The following ADAP2 variants were observed in gnomAD, a reference collection of about 807,000 sequenced individuals.
ADAP2 encodes arf-GAP with dual PH domain-containing protein 2.
ADAP2 carries 42 observed loss-of-function variants against 54.9 expected under a neutral mutation model. That is an observed-to-expected ratio of 0.77 (90% CI 0.60 to 0.99). ADAP2 has a LOEUF of 0.99. Among genes scored for constraint, ADAP2 ranks in the 50% least tolerant of loss-of-function variants. The pLI, the probability that ADAP2 is intolerant of heterozygous loss-of-function variation, is 0.00. For missense variants in ADAP2, 429 were observed against 480.4 expected, an observed-to-expected ratio of 0.89 and a Z score of 1.00; for synonymous variants, 177 against 180.1, an observed-to-expected ratio of 0.98 and a Z score of 0.14.
At chr17:30,951,478 T>A (rs763328998) in intron 7 of ADAP2, among the ~76,000 whole-genome samples, 3 of 152,030 alleles carry the variant, frequency 2.0e-5, no homozygotes, top group Non-Finnish European at 4.4e-5. Flanking sequence ...ACAGTTTATA[T>A]CTTGTTTCTT....
intron 5 of ADAP2, among the ~76,000 whole-genome samples, chr17:30,942,946 G>A (rs917683330): frequency 5.9e-5 from 9 of 152,240 alleles, no homozygotes; most frequent in African/African-American, 1.9e-4. Flanking sequence ...ACACACTTGT[G>A]GCAGGAATGT....
At chr17:30,939,902 C>G (rs958466220) in intron 5 of ADAP2, among the ~76,000 whole-genome samples, 4 of 152,108 alleles carry the variant, frequency 2.6e-5, no homozygotes, top group African/African-American at 7.2e-5. Context: ...TAGTCCATCC[C>G]CTAGCAATTG....
At chr17:30,954,616 C>A (rs1904923838) in intron 9 of ADAP2, 61 bp downstream of exon 9, 2 of 1,412,110 alleles carry the variant, frequency 1.4e-6, no homozygotes, top group Non-Finnish European at 2.0e-6. Flanking sequence ...TGGTGCTTGT[C>A]TGGAACTATG....
intron 5 of ADAP2, among the ~76,000 whole-genome samples, chr17:30,944,335 A>T (rs573721859): frequency 6.6e-6 from 1 of 151,978 alleles, no homozygotes; most frequent in African/African-American, 2.4e-5. Context: ...GTACACATGG[A>T]CACAAAGAAG....
intron 10 of ADAP2, chr17:30,956,877 G>T (rs1905114972): frequency 5.3e-6 from 1 of 189,192 alleles, no homozygotes; most frequent in African/African-American, 2.3e-5. Context: ...GGGATTTTTG[G>T]ATTCCTCCCC....
chr17:30,946,579 A>G (rs916811471), intron 6 of ADAP2, among the ~76,000 whole-genome samples: 1 of 152,118 alleles, frequency 6.6e-6, no homozygotes, highest in African/African-American at 2.4e-5. Flanking sequence ...AGCCAATATA[A>G]CAGAATAAGC....
chr17:30,931,442 T>A (rs1439839868), intron 3 of ADAP2, among the ~76,000 whole-genome samples: 1 of 152,058 alleles, frequency 6.6e-6, no homozygotes, highest in Non-Finnish European at 1.5e-5. Context: ...CAACCCCGAA[T>A]GTTAACAGTA....
At chr17:30,949,409 T>C (rs1170618065) in intron 7 of ADAP2, 39 bp downstream of exon 7, 5 of 1,564,878 alleles carry the variant, frequency 3.2e-6, no homozygotes, top group Non-Finnish European at 4.4e-6. Context: ...AATCTCCTCT[T>C]GGCCATCTCC....
chr17:30,923,613 C>T (rs904252771), intron 2 of ADAP2, among the ~76,000 whole-genome samples: 1 of 150,258 alleles, frequency 6.7e-6, no homozygotes, highest in African/African-American at 2.4e-5. Flanking sequence ...GAGCTAGGTA[C>T]TTTGACCTAG....
intron 5 of ADAP2, among the ~76,000 whole-genome samples, chr17:30,943,141 G>A (rs545742692): frequency 3.3e-5 from 5 of 152,280 alleles, no homozygotes; most frequent in African/African-American, 7.2e-5. Context: ...AGAGGCCGGC[G>A]GATCACCTGA....
chr17:30,955,335 T>G (rs895815550), intron 9 of ADAP2, among the ~76,000 whole-genome samples: 2 of 151,890 alleles, frequency 1.3e-5, no homozygotes, highest in African/African-American at 4.8e-5. Flanking sequence ...CCCAGCACTT[T>G]GGGAGGCTGA....
At position 30,931,954 on chromosome 17, in the gene ADAP2, C is replaced by A. The variant is rs776988548; in HGVS notation, c.383C>A (p.Thr128Asn). Residue 128 changes from threonine to asparagine, a missense_variant, in exon 4 of 11, where the codon ACC (threonine) becomes AAC (asparagine). Physicochemically the swap from Thr to Asn is moderately conservative, Grantham distance 65. Coordinates refer to ENST00000330889, the MANE Select transcript of ADAP2 (RefSeq NM_018404.3). ...ERREFMADGE[T>N]ISLPGNREGF... ...CGGGAATTTATGGCTGATGGGGAAACCATCTCGCTCCCAGGTAAAGTTATT... is the reference window on the plus strand; with the variant it reads ...CGGGAATTTATGGCTGATGGGGAAAACATCTCGCTCCCAGGTAAAGTTATT... 1.9e-6 allele frequency: 3 copies of A among 1,613,894 alleles called. No homozygotes were observed. The highest frequency in any genetic ancestry group is 2.5e-6 in the Non-Finnish European group (3 of 1,179,890).
intron 5 of ADAP2, among the ~76,000 whole-genome samples, chr17:30,939,952 TA>T: frequency 6.6e-6 from 1 of 152,134 alleles, no homozygotes; most frequent in Admixed American, 6.6e-5. Flanking sequence ...CAGTCTTTTT[TA>T]CATTTTGTTT....
chr17:30,931,473 G>A (rs1221661091), intron 3 of ADAP2, among the ~76,000 whole-genome samples: 2 of 152,146 alleles, frequency 1.3e-5, no homozygotes, highest in Non-Finnish European at 2.9e-5. Flanking sequence ...GGAATCCTAG[G>A]TAGCTGGAGC....
intron 1 of ADAP2, among the ~76,000 whole-genome samples, chr17:30,922,405 C>G (rs1362959079): frequency 6.6e-6 from 1 of 152,238 alleles, no homozygotes; most frequent in East Asian, 1.9e-4. Context: ...TAGAGCCCTT[C>G]CAGTCCCGCT....
chr17:30,949,572 C>T (rs1449857684), intron 7 of ADAP2, among the ~76,000 whole-genome samples: 1 of 151,940 alleles, frequency 6.6e-6, no homozygotes, highest in South Asian at 2.1e-4. Context: ...CACGGTGAAA[C>T]CCCGTCTCTA....
intron 10 of ADAP2, 64 bp from the exon 11 acceptor site, chr17:30,957,771 C>A: frequency 6.5e-7 from 1 of 1,538,250 alleles, no homozygotes; most frequent in Admixed American, 1.7e-5. Context: ...CTTTGCTGTC[C>A]CTCTCCTCCA....
At chr17:30,932,784 G>A (rs1911593556) in intron 4 of ADAP2, among the ~76,000 whole-genome samples, 1 of 151,642 alleles carries the variant, frequency 6.6e-6, no homozygotes, top group South Asian at 2.1e-4. Context: ...TGGCCAGGCT[G>A]GTCTCGAACT....
chr17:30,935,371 G>T (rs1440093996), intron 5 of ADAP2, among the ~76,000 whole-genome samples: 1 of 151,940 alleles, frequency 6.6e-6, no homozygotes, highest in Non-Finnish European at 1.5e-5. Context: ...TCCGTCTCAA[G>T]AAAAAAAGAA....
Sources: gnomAD v4.1 joint callset for allele counts (sites outside exome capture counted in the v4.1 genomes callset) on GRCh38, gnomAD v4.1.1 for gene constraint, MANE v1.5 for transcripts, NCBI Gene and HGNC (gene_info 2026-07-23, HGNC 2026-07-21) for gene names.